Variants in NTSR1 observed in about 807,000 individuals in gnomAD.
NTSR1 encodes the protein neurotensin receptor 1.
In NTSR1, 29 loss-of-function variants were observed where a neutral mutation model predicts 31.2. The ratio of observed to expected loss-of-function variants is 0.93; its 90% confidence interval spans 0.69 to 1.27. The LOEUF (loss-of-function observed/expected upper bound fraction) is 1.27. NTSR1 is among the 50% of genes most tolerant of loss of function. The pLI is 0.00. For missense variants in NTSR1, 697 were observed against 595.4 expected (o/e 1.17, Z -1.78); for synonymous variants, 282 against 269.9 (o/e 1.04, Z -0.44).
chr20:62,760,009 T>C lies in NTSR1; in HGVS notation c.1008-9T>C, dbSNP rs779745781. 3.7e-6 allele frequency: 6 copies of C among 1,612,890 alleles called. No individual in the cohort carries two copies. The African/African-American group carries it at 4.0e-5, about 11-fold the overall frequency. ...TCTCTGGGATCTGAGCGCCTCTCTC[T>C]CCCCGCAGGTTCCTCTATGACTTCT... is the stretch of plus-strand genomic sequence containing the variant. On this transcript the variant is annotated splice_polypyrimidine_tract_variant and intron_variant, in intron 3 of 3. Transcript: ENST00000370501.
intron 1 of NTSR1, among the ~76,000 whole-genome samples, chr20:62,723,478 C>A (rs182502517): frequency 6.6e-6 from 1 of 152,216 alleles, no homozygotes; most frequent in African/African-American, 2.4e-5. Context: ...GTCCACCTGT[C>A]GACTTCAGGC....
At chr20:62,735,631 C>T (rs1989078017) in intron 1 of NTSR1, among the ~76,000 whole-genome samples, 2 of 152,244 alleles carry the variant, frequency 1.3e-5, no homozygotes, top group Admixed American at 1.3e-4. Flanking sequence ...AACAGCCTCC[C>T]CGCAAGGTGG....
In NTSR1 at chr20:62,733,795, A is replaced by G. The variant is rs1235244000; in HGVS notation, c.715-20890A>G. Among the ~76,000 whole-genome samples, 1 of 150,978 alleles carries G rather than the reference A, an allele frequency of 6.6e-6. No individual in the cohort carries two copies. Among genetic ancestry groups the G allele is most frequent in the African/African-American group, 2.4e-5 (1 of 41,030 alleles). On this transcript the variant is annotated intron_variant, in intron 1 of 3. Transcript: ENST00000370501. The surrounding 1 kb of genome is among the most constrained non-coding windows in gnomAD (Gnocchi z 5.2). ...GAGAGAGAGGGGAGGAGGGGGAGGG[A>G]GACAGCACCCTCTTCTCCCTACCCT... is the stretch of plus-strand genomic sequence containing the variant.
At chr20:62,746,401 T>G (rs1433094292) in intron 1 of NTSR1, among the ~76,000 whole-genome samples, 1 of 152,140 alleles carries the variant, frequency 6.6e-6, no homozygotes, top group African/African-American at 2.4e-5. Context: ...GGCCCTGAAG[T>G]CACTGCAGGT....
At chr20:62,727,582 G>C (rs1218169149) in intron 1 of NTSR1, among the ~76,000 whole-genome samples, 1 of 152,222 alleles carries the variant, frequency 6.6e-6, no homozygotes, top group South Asian at 2.1e-4. Flanking sequence ...TGAGCCCTCC[G>C]CCTCCAGCAT....
rs1989207453 is a variant in NTSR1, at chr20:62,741,545, T to C, written c.715-13140T>C. Reference sequence around the variant, plus strand: ...CCCACACCATGTTCCTCCCACCCCATGTCTGTGCGCCCCTTCGAGCATGCC... The same window carrying C: ...CCCACACCATGTTCCTCCCACCCCACGTCTGTGCGCCCCTTCGAGCATGCC... On this transcript the variant is annotated intron_variant, in intron 1 of 3. Transcript: ENST00000370501. This position sits in a 1 kb window ranked among gnomAD's most constrained non-coding sequence, Gnocchi z 4.3. Among the ~76,000 whole-genome samples, 2 of 149,552 alleles carry C rather than the reference T, an allele frequency of 1.3e-5. 1 individual carries two copies. The highest frequency in any genetic ancestry group is 4.5e-4 in the East Asian group (2 of 4,460).
rs1308456234 is a variant in NTSR1, at chr20:62,708,995, T to TGGGAGTCCGGAGGAGAGCGGAGCC, written c.-212_-189dup. Reference sequence around the variant, plus strand: ...GGTTCTGGAGCTAGGAGCCGGAAGCTGGGAGTCCGGAGGAGAGCGGAGCCC... The same window carrying TGGGAGTCCGGAGGAGAGCGGAGCC: ...GGTTCTGGAGCTAGGAGCCGGAAGCTGGGAGTCCGGAGGAGAGCGGAGCCGGGAGTCCGGAGGAGAGCGGAGCCC... On this transcript the variant is annotated 5_prime_UTR_variant, in exon 1 of 4. Coordinates refer to ENST00000370501, the MANE Select transcript of NTSR1 (RefSeq NM_002531.3). This position sits in a 1 kb window ranked among gnomAD's most constrained non-coding sequence, Gnocchi z 5.9. 2.0e-5 allele frequency: 9 copies of TGGGAGTCCGGAGGAGAGCGGAGCC among 441,354 alleles called. No homozygotes were observed. The highest frequency in any genetic ancestry group is 1.8e-4 in the Admixed American group (4 of 22,508). The allele number at this position is 441,354 out of a possible 1,614,324, so 27.3% of individuals were successfully genotyped here. A position where few individuals can be genotyped will look rare whatever the true frequency, so the allele number is the denominator to read the frequency against.
chr20:62,710,702 C>A (rs1988592291), intron 1 of NTSR1, among the ~76,000 whole-genome samples: 1 of 152,082 alleles, frequency 6.6e-6, no homozygotes, highest in East Asian at 1.9e-4. Flanking sequence ...CCTTGGGAAT[C>A]AGTTTGGCTG....
rs759768471 is a variant in NTSR1, at chr20:62,709,732, G to A, written c.525G>A (p.Lys175=). The A allele has an allele frequency of 6.8e-6, 11 of 1,613,006 alleles. No homozygotes were observed. In the South Asian group the frequency reaches 8.8e-5, roughly 13 times the overall value. Residue 175 remains lysine (K), a synonymous_variant, in exon 1 of 4, where the codon AAG becomes AAA. Transcript: ENST00000370501. The part of the protein sequence containing the change: ...ERYLAICHPF[K]AKTLMSRSRT... ...ACCTGGCCATCTGCCACCCCTTCAAGGCCAAGACCCTCATGTCCCGAAGCC... is the reference window on the plus strand; with the variant it reads ...ACCTGGCCATCTGCCACCCCTTCAAAGCCAAGACCCTCATGTCCCGAAGCC...
In NTSR1 at chr20:62,709,642, C is replaced by A; in HGVS notation, c.435C>A (p.Tyr145Ter). The A allele has an allele frequency of 6.2e-7, 1 of 1,612,508 alleles. No homozygotes were observed. The highest frequency in any genetic ancestry group is 8.5e-7 in the Non-Finnish European group (1 of 1,179,916). ...AFGDAGCRGY[Y>*]FLRDACTYAT... ...GCGACGCCGGCTGCCGCGGCTACTA[C>A]TTCCTGCGCGACGCCTGCACCTACG... Residue 145 changes from tyrosine to a stop codon, truncating the protein, a stop_gained, in exon 1 of 4, where the codon TAC (tyrosine) becomes TAA (stop). Transcript: ENST00000370501. LOFTEE classifies it high-confidence loss of function.
chr20:62,716,097 C>T (rs1988710973), intron 1 of NTSR1, among the ~76,000 whole-genome samples: 1 of 152,194 alleles, frequency 6.6e-6, no homozygotes. Context: ...CACAGTTGAG[C>T]GGCGTGAAGC....
At chr20:62,713,354 C>T (rs1988654062) in intron 1 of NTSR1, among the ~76,000 whole-genome samples, 1 of 152,212 alleles carries the variant, frequency 6.6e-6, no homozygotes, top group African/African-American at 2.4e-5. Flanking sequence ...GCAGGAGGCG[C>T]TGGTGTCCTA....
rs1989212173 is a variant in NTSR1, at chr20:62,741,814, C to A, written c.715-12871C>A. ...ATCTGCTCAGGTGAGGTACATGCCA[C>A]AAAGCTTCACCAGTGGGGATGAGGA... On this transcript the variant is annotated intron_variant, in intron 1 of 3. Coordinates refer to ENST00000370501, the MANE Select transcript of NTSR1 (RefSeq NM_002531.3). This position sits in a 1 kb window ranked among gnomAD's most constrained non-coding sequence, Gnocchi z 4.3. Among the ~76,000 whole-genome samples the A allele has an allele frequency of 6.7e-6, 1 of 149,492 alleles. No homozygotes were observed. Among genetic ancestry groups the A allele is most frequent in the Non-Finnish European group, 1.5e-5 (1 of 68,002 alleles).
chr20:62,733,290 G>C lies in NTSR1; in HGVS notation c.715-21395G>C, dbSNP rs1989032247. 1 of 152,190 alleles carries C rather than the reference G, an allele frequency of 6.6e-6. No individual in the cohort carries two copies. Among genetic ancestry groups the C allele is most frequent in the South Asian group, 2.1e-4 (1 of 4,828 alleles). 9.4% of individuals were successfully genotyped at this position (152,190 alleles called of 1,614,324 possible). On this transcript the variant is annotated intron_variant, in intron 1 of 3. Transcript: ENST00000370501. The surrounding 1 kb of genome is among the most constrained non-coding windows in gnomAD (Gnocchi z 5.2). ...TCTGCACCTCCCAGGCACAGCTCTG[G>C]GAAGGCTGAAAATTAGCACCAATTA... is the stretch of plus-strand genomic sequence containing the variant.
rs1268382222 is a variant in NTSR1, at chr20:62,754,677, T to C, written c.715-8T>C. 2 of 1,610,588 alleles carry C rather than the reference T, an allele frequency of 1.2e-6. No individual in the cohort carries two copies. Among genetic ancestry groups the C allele is most frequent in the East Asian group, 2.2e-5 (1 of 44,872 alleles). On this transcript the variant is annotated splice_region_variant and splice_polypyrimidine_tract_variant and intron_variant, in intron 1 of 3. Transcript: ENST00000370501. ...GGCTCTGACAGCCTCGCCCTTCCTC[T>C]CCTGCAGGTCAACACCTTCATGTCC...
At chr20:62,736,856 C>T (rs1414453694) in intron 1 of NTSR1, among the ~76,000 whole-genome samples, 3 of 152,214 alleles carry the variant, frequency 2.0e-5, no homozygotes, top group East Asian at 1.9e-4. Context: ...GTGACTGGAT[C>T]GTGGGGGCGG....
At position 62,760,590 on chromosome 20, in the gene NTSR1, C is replaced by T; in HGVS notation, c.*323C>T. ...GGCAAAAGGCAGTTTTCTTTGTTCT[C>T]AGACTAATGGATGGTTCCAGAGAAG... On this transcript the variant is annotated 3_prime_UTR_variant, in exon 4 of 4. Coordinates refer to ENST00000370501, the MANE Select transcript of NTSR1 (RefSeq NM_002531.3). 1 of 294,344 alleles carries T rather than the reference C, an allele frequency of 3.4e-6. No homozygotes were observed. Among genetic ancestry groups the T allele is most frequent in the Non-Finnish European group, 6.4e-6 (1 of 156,000 alleles). 18.2% of individuals were successfully genotyped at this position (294,344 alleles called of 1,614,324 possible).
At chr20:62,726,662 T>G (rs1470257877) in intron 1 of NTSR1, among the ~76,000 whole-genome samples, 3 of 146,518 alleles carry the variant, frequency 2.0e-5, no homozygotes, top group Non-Finnish European at 4.5e-5. Flanking sequence ...ACTACTGCAC[T>G]CCAGCCTGGA....
chr20:62,736,156 T>G (rs1211926239), intron 1 of NTSR1, among the ~76,000 whole-genome samples: 2 of 152,212 alleles, frequency 1.3e-5, no homozygotes, highest in East Asian at 1.9e-4. Flanking sequence ...AGGCCTGAGA[T>G]CTGCCTGGAG....
Sources: gnomAD v4.1 joint callset for allele counts (sites outside exome capture counted in the v4.1 genomes callset) on GRCh38, gnomAD v4.1.1 for gene constraint, Gnocchi (gnomAD v3.1) non-coding constraint, MANE v1.5 for transcripts, NCBI Gene and HGNC (gene_info 2026-07-23, HGNC 2026-07-21) for gene names.